SLFN11: variants seen among roughly 807,000 people sequenced by gnomAD.
The protein encoded by SLFN11 is schlafen family member 11.
A neutral mutation model predicts 53.4 loss-of-function variants in SLFN11; 43 were observed. That is an observed-to-expected ratio of 0.80 (90% CI 0.63 to 1.04). SLFN11 has a LOEUF of 1.04. Among genes scored for constraint, SLFN11 ranks in the 50% least tolerant of loss-of-function variants. SLFN11 has a pLI of 0.00. For synonymous variants in SLFN11, 389 were observed against 394.7 expected (o/e 0.99, Z 0.17); for missense variants, 990 against 1,079.1 (o/e 0.92, Z 1.16).
At chr17:35,370,435 C>T (rs932178857) in intron 1 of SLFN11, among the ~76,000 whole-genome samples, 6 of 152,002 alleles carry the variant, frequency 3.9e-5, no homozygotes, top group Non-Finnish European at 8.8e-5. Context: ...TAAGGATCCT[C>T]ACTTTCACCA....
At chr17:35,355,294 G>A (rs1041470661) in intron 5 of SLFN11, among the ~76,000 whole-genome samples, 1 of 152,108 alleles carries the variant, frequency 6.6e-6, no homozygotes, top group African/African-American at 2.4e-5. Context: ...CAGCTACTCA[G>A]GAGGCTGAGG....
intron 5 of SLFN11, among the ~76,000 whole-genome samples, chr17:35,355,168 C>T (rs1405831552): frequency 6.6e-6 from 1 of 152,056 alleles, no homozygotes; most frequent in East Asian, 1.9e-4. Flanking sequence ...TTGCATGTAT[C>T]TCTGGTCTTC....
chr17:35,356,319 A>G (rs941749198), intron 5 of SLFN11, among the ~76,000 whole-genome samples: 2 of 152,084 alleles, frequency 1.3e-5, no homozygotes, highest in Non-Finnish European at 2.9e-5. Flanking sequence ...TCAAAATCTA[A>G]TAACAATAAC....
chr17:35,352,328 T>C lies in SLFN11; in HGVS notation c.*28A>G. 1 of 1,610,494 alleles carries C rather than the reference T, an allele frequency of 6.2e-7. No homozygotes were observed. Among genetic ancestry groups the C allele is most frequent in the Non-Finnish European group, 8.5e-7 (1 of 1,177,390 alleles). On this transcript the variant is annotated 3_prime_UTR_variant, in exon 7 of 7. Coordinates refer to ENST00000685675, the MANE Select transcript of SLFN11 (RefSeq NM_001376007.1). ...CAGCAGACTGTCACCCATAGACATTTACATAGCATTTTGATTTGGAGTTCT... is the reference window on the plus strand; with the variant it reads ...CAGCAGACTGTCACCCATAGACATTCACATAGCATTTTGATTTGGAGTTCT...
At chr17:35,362,068 G>A (rs1280156459) in intron 4 of SLFN11, among the ~76,000 whole-genome samples, 1 of 152,070 alleles carries the variant, frequency 6.6e-6, no homozygotes, top group East Asian at 1.9e-4. Flanking sequence ...TACTATCTAT[G>A]CTGGTGATGG....
In SLFN11 at chr17:35,352,862, C is replaced by T. The variant is rs1906899759; in HGVS notation, c.2200G>A (p.Ala734Thr). The change falls in exon 7 of 7, where the codon GCA (alanine) becomes ACA (threonine). Residue 734 changes from alanine (A) to threonine (T), a missense_variant. Ala to Thr is a moderately conservative substitution (Grantham distance 58, BLOSUM62 0). Coordinates refer to ENST00000685675, the MANE Select transcript of SLFN11 (RefSeq NM_001376007.1). ...TGTAAGTACTTGGCTATTGGATCTG[C>T]ATTGCGAACTATTCTGGTGAGCTCT... Reference protein sequence around the residue: ...REELTRIVRNADPIAKYLQKE... With the variant: ...REELTRIVRNTDPIAKYLQKE... 2 of 1,614,070 alleles carry T rather than the reference C, an allele frequency of 1.2e-6. No individual in the cohort carries two copies. The highest frequency in any genetic ancestry group is 1.7e-6 in the Non-Finnish European group (2 of 1,180,040).
rs1906751249 is a variant in SLFN11 at position 35,352,127 on chromosome 17, C to T, written c.*229G>A. ...GGACAGCTAAAGTTCCTTTAGAAAA[C>T]CACCATCTTTCTGGCTGGAAGAGTC... On this transcript the variant is annotated 3_prime_UTR_variant, in exon 7 of 7. Transcript: ENST00000685675. 1.7e-6 allele frequency: 1 copy of T among 590,260 alleles called. No individual in the cohort carries two copies. The highest frequency in any genetic ancestry group is 3.0e-6 in the Non-Finnish European group (1 of 336,012). The allele number at this position is 590,260 out of a possible 1,614,324, so 36.6% of individuals were successfully genotyped here. A position where few individuals can be genotyped will look rare whatever the true frequency, so the allele number is the denominator to read the frequency against.
intron 1 of SLFN11, among the ~76,000 whole-genome samples, chr17:35,369,179 T>G (rs1044022693): frequency 5.3e-5 from 8 of 151,922 alleles, no homozygotes; most frequent in African/African-American, 1.9e-4. Flanking sequence ...GAGCAACAAG[T>G]AGGCCCTTGG....
chr17:35,371,121 A>G (rs1234808263), intron 1 of SLFN11, among the ~76,000 whole-genome samples: 1 of 152,146 alleles, frequency 6.6e-6, no homozygotes, highest in African/African-American at 2.4e-5. Flanking sequence ...TTAAAAACAG[A>G]CACATAGACC....
intron 5 of SLFN11, among the ~76,000 whole-genome samples, chr17:35,357,167 T>C (rs1391484167): frequency 6.6e-6 from 1 of 151,470 alleles, no homozygotes; most frequent in Non-Finnish European, 1.5e-5. Flanking sequence ...TGTGTGTGTG[T>C]GTGTGTGTGT....
chr17:35,358,122 T>C lies in SLFN11; in HGVS notation c.1198+2121A>G, dbSNP rs1002374939. On this transcript the variant is annotated intron_variant, in intron 5 of 6. Transcript: ENST00000685675. The stretch of plus-strand genomic sequence containing the variant: ...TATGTAACATTCCCTGATTCACTTA[T>C]GCTTCTGTGTCCTTCAATATTATTT... Among the ~76,000 whole-genome samples the C allele has an allele frequency of 1.7e-4, 25 of 151,034 alleles. 1 individual carries two copies. The highest frequency in any genetic ancestry group is 6.0e-4 in the African/African-American group (25 of 41,422).
chr17:35,363,165 A>T lies in SLFN11; in HGVS notation c.643T>A (p.Phe215Ile). The T allele has an allele frequency of 1.2e-6, 2 of 1,613,864 alleles. No homozygotes were observed. The highest frequency in any genetic ancestry group is 1.7e-6 in the Non-Finnish European group (2 of 1,179,982). The stretch of plus-strand genomic sequence containing the variant: ...AAGTGTTTTGTAGAGAACTGTTTAA[A>T]CTCTACTAACTGAGACTCAGGAAAA... ...LPFPESQLVE[F>I]KQFSTKHFQE... The change falls in exon 4 of 7, where the codon TTT (phenylalanine) becomes ATT (isoleucine). Residue 215 changes from phenylalanine (F) to isoleucine (I), a missense_variant. Physicochemically the swap from Phe to Ile is conservative, Grantham distance 21. Transcript: ENST00000685675.
intron 5 of SLFN11, among the ~76,000 whole-genome samples, chr17:35,358,259 T>A (rs1907774681): frequency 6.6e-6 from 1 of 151,464 alleles, no homozygotes; most frequent in Non-Finnish European, 1.5e-5. Flanking sequence ...ATTCTGCATA[T>A]TAATTTTTAT....
chr17:35,363,829 A>G lies in SLFN11; in HGVS notation c.-19-3T>C, dbSNP rs1908597264. On this transcript the variant is annotated splice_region_variant and splice_polypyrimidine_tract_variant and intron_variant, in intron 3 of 6. Coordinates refer to ENST00000685675, the MANE Select transcript of SLFN11 (RefSeq NM_001376007.1). ...CCATGTTGAACTCACAGCTGAAACT[A>G]TTAGAAGAAATGAAGTGTTACATGC... 1.3e-6 allele frequency: 2 copies of G among 1,531,760 alleles called. No individual in the cohort carries two copies. The highest frequency in any genetic ancestry group is 2.3e-5 in the East Asian group (1 of 44,420). 94.9% of individuals were successfully genotyped at this position (1,531,760 alleles called of 1,614,324 possible). A position where few individuals can be genotyped will look rare whatever the true frequency, so the allele number is the denominator to read the frequency against.
In SLFN11 at chr17:35,362,114, G is replaced by A. The variant is rs142408728; in HGVS notation, c.1069+625C>T. Among the ~76,000 whole-genome samples the A allele has an allele frequency of 3.8e-3, 573 of 152,096 alleles. 2 individuals are homozygous for A. The highest frequency in any genetic ancestry group is 6.4e-3 in the Admixed American group (97 of 15,274). On this transcript the variant is annotated intron_variant, in intron 4 of 6. Transcript: ENST00000685675. ...AGATCTAGTTGAGAAGAGATCCCTC[G>A]TTCATAGCCAACTGCCAGTTTCTGT...
rs1906928789 is a variant in SLFN11 at position 35,352,970 on chromosome 17, G to T, written c.2092C>A (p.Leu698Ile). Residue 698 changes from leucine to isoleucine, a missense_variant, in exon 7 of 7, where the codon CTC becomes ATC. This residue lies in a region of SLFN11 where 313 missense variants were observed against 320.9 expected (regional missense o/e 0.98). Transcript: ENST00000685675. ...TGAAAGTAATCCAGAAAGATCCAGA[G>T]AATTCCTGGGCCACCCTTTGCTCTC... is the stretch of plus-strand genomic sequence containing the variant. The part of the protein sequence containing the change: ...TRRAKGGPGI[L>I]WIFLDYFQTS... 2.5e-6 allele frequency: 4 copies of T among 1,614,174 alleles called. No homozygotes were observed. Among genetic ancestry groups the T allele is most frequent in the Non-Finnish European group, 3.4e-6 (4 of 1,180,034 alleles).
chr17:35,353,123 G>C lies in SLFN11; in HGVS notation c.1939C>G (p.Arg647Gly), dbSNP rs80209975. The C allele has an allele frequency of 1.9e-6, 3 of 1,613,052 alleles. No homozygotes were observed. The highest frequency in any genetic ancestry group is 2.5e-6 in the Non-Finnish European group (3 of 1,179,678). ...AGGAAAGTTTTCCGGGTCTCTGCTC[G>C]GCAGATATTTCTATCACTGTAAAAA... Reference protein sequence around the residue: ...RNFISDRNICRAETRKTFLRE... With the variant: ...RNFISDRNICGAETRKTFLRE... The change falls in exon 7 of 7, where the codon CGA (arginine) becomes GGA (glycine). Residue 647 changes from arginine (R) to glycine (G), a missense_variant. Physicochemically the swap from Arg to Gly is moderately radical, Grantham distance 125. Transcript: ENST00000685675.
rs1475862513 is a variant in SLFN11 at position 35,363,847 on chromosome 17, T to C, written c.-19-21A>G. ...TGAAACTATTAGAAGAAATGAAGTG[T>C]TACATGCATGCAATTCATTTATTAA... On this transcript the variant is annotated intron_variant, in intron 3 of 6. Coordinates refer to ENST00000685675, the MANE Select transcript of SLFN11 (RefSeq NM_001376007.1). The C allele has an allele frequency of 3.4e-6, 5 of 1,481,186 alleles. No homozygotes were observed. In the Admixed American group the frequency reaches 1.1e-4, roughly 34 times the overall value. The allele number at this position is 1,481,186 out of a possible 1,614,324, so 91.8% of individuals were successfully genotyped here.
In SLFN11 at chr17:35,363,007, A is replaced by G. The variant is rs1233525546; in HGVS notation, c.801T>C (p.Pro267=). Reference sequence around the variant, plus strand: ...GTTCTATTTTCCTTCTCAAAGAGTCAGGGTCAACATTTTCTTTTGCACATC... The same window carrying G: ...GTTCTATTTTCCTTCTCAAAGAGTCGGGGTCAACATTTTCTTTTGCACATC... ...VLGCAKENVD[P]DSLRRKIEQA... The change falls in exon 4 of 7, where the codon CCT becomes CCC. Residue 267 remains proline (P), a synonymous_variant. Transcript: ENST00000685675. 9 of 1,613,926 alleles carry G rather than the reference A, an allele frequency of 5.6e-6. No homozygotes were observed. The African/African-American group carries it at 1.1e-4, about 19-fold the overall frequency.
Sources: gnomAD v4.1 joint callset for allele counts (sites outside exome capture counted in the v4.1 genomes callset) on GRCh38, gnomAD v4.1.1 for gene constraint, gnomAD v4.1.1 regional missense constraint, MANE v1.5 for transcripts, NCBI Gene and HGNC (gene_info 2026-07-23, HGNC 2026-07-21) for gene names.